GDPGP1: variants seen among roughly 807,000 people sequenced by gnomAD.
GDPGP1 encodes the protein GDP-D-glucose phosphorylase C15orf58.
In GDPGP1, 18 loss-of-function variants were observed where a neutral mutation model predicts 19.2. The ratio of observed to expected loss-of-function variants is 0.94; its 90% CI spans 0.65 to 1.39. The LOEUF (loss-of-function observed/expected upper bound fraction) is 1.39. Ranked by LOEUF, GDPGP1 falls within the 40% of genes most tolerant of loss-of-function variation. GDPGP1 has a pLI of 0.00. For synonymous variants in GDPGP1, 219 were observed against 208.9 expected, an observed-to-expected ratio of 1.05 and a Z score of -0.42; for missense variants, 449 against 490.5, an observed-to-expected ratio of 0.92 and a Z score of 0.80.
At chr15:90,234,993 GTAAAGTC>G (rs1171563296) in intron 2 of GDPGP1, among the ~76,000 whole-genome samples, 1 of 152,150 alleles carries the variant, frequency 6.6e-6, no homozygotes, top group Non-Finnish European at 1.5e-5. Flanking sequence ...GCTGATCTTT[GTAAAGTC>G]TAAATCTGAG....
At position 90,241,362 on chromosome 15, in the gene GDPGP1, G is replaced by A. The variant is rs748212146; in HGVS notation, c.454G>A (p.Asp152Asn). The A allele has an allele frequency of 1.9e-6, 3 of 1,614,070 alleles. No individual in the cohort carries two copies. In the Admixed American group the frequency reaches 5.0e-5, roughly 27 times the overall value. Residue 152 changes from aspartate to asparagine, a missense_variant, in exon 4 of 4, where the codon GAC (aspartate) becomes AAC (asparagine). Asp to Asn is a conservative substitution (Grantham distance 23). Transcript: ENST00000329600. ...TCTCCCTGGGACTCTGCTGCAAGAA[G>A]ACATCCTGGTGGTGATCAACGTCAG... ...PDLPGTLLQE[D>N]ILVVINVSPL...
chr15:90,241,842 A>G lies in GDPGP1; in HGVS notation c.934A>G (p.Ile312Val), dbSNP rs1266669208. Reference sequence around the variant, plus strand: ...CTCAGCCCTCACAGGGGTCCGAGTAATTCTGTGGGCCCGGAAGTCCAGCTT... The same window carrying G: ...CTCAGCCCTCACAGGGGTCCGAGTAGTTCTGTGGGCCCGGAAGTCCAGCTT... Reference protein sequence around the residue: ...PSSALTGVRVILWARKSSFGI... With the variant: ...PSSALTGVRVVLWARKSSFGI... Residue 312 changes from isoleucine to valine, a missense_variant, in exon 4 of 4, where the codon ATT becomes GTT. Transcript: ENST00000329600. 6.2e-7 allele frequency: 1 copy of G among 1,614,080 alleles called. No individual in the cohort carries two copies. Among genetic ancestry groups the G allele is most frequent in the African/African-American group, 1.3e-5 (1 of 74,928 alleles).
In GDPGP1 at chr15:90,241,938, T is replaced by G; in HGVS notation, c.1030T>G (p.Ser344Ala). 6.2e-7 allele frequency: 1 copy of G among 1,614,072 alleles called. No homozygotes were observed. Among genetic ancestry groups the G allele is most frequent in the African/African-American group, 1.3e-5 (1 of 75,006 alleles). ...ELAGHLPVKT[S>A]QDFSSLTEAA... ...GGCTGGGCACCTCCCTGTCAAAACA[T>G]CCCAGGACTTCAGCAGCCTGACAGA... is the stretch of plus-strand genomic sequence containing the variant. Residue 344 changes from serine (S) to alanine (A), a missense_variant, in exon 4 of 4, where the codon TCC (serine) becomes GCC (alanine). Coordinates refer to ENST00000329600, the MANE Select transcript of GDPGP1 (RefSeq NM_001013657.3).
At chr15:90,235,761 G>A (rs1157211230) in intron 2 of GDPGP1, among the ~76,000 whole-genome samples, 1 of 151,854 alleles carries the variant, frequency 6.6e-6, no homozygotes, top group Non-Finnish European at 1.5e-5. Flanking sequence ...GTAGAGACGG[G>A]GTTTCACCCT....
rs141382444 is a variant in GDPGP1 at position 90,241,785 on chromosome 15, C to A, written c.877C>A (p.Arg293=). 5 of 1,614,202 alleles carry A rather than the reference C, an allele frequency of 3.1e-6. No homozygotes were observed. The highest frequency in any genetic ancestry group is 4.2e-6 in the Non-Finnish European group (5 of 1,180,038). Residue 293 remains arginine, a synonymous_variant, in exon 4 of 4, where the codon CGG becomes AGG. Coordinates refer to ENST00000329600, the MANE Select transcript of GDPGP1 (RefSeq NM_001013657.3). ...GATTGCTCATAACTTGTTTGTCACC[C>A]GGGGAGCTCCGCCGGGAAAGACATC... ...HEIAHNLFVT[R]GAPPGKTSPS...
chr15:90,237,697 ATC>A (rs1240091697), intron 2 of GDPGP1, among the ~76,000 whole-genome samples: 1 of 151,984 alleles, frequency 6.6e-6, no homozygotes, highest in Non-Finnish European at 1.5e-5. Context: ...GTCTAAGATT[ATC>A]TCTTTTTTTT....
chr15:90,237,123 TA>T (rs1962651655), intron 2 of GDPGP1, among the ~76,000 whole-genome samples: 1 of 150,982 alleles, frequency 6.6e-6, no homozygotes, highest in South Asian at 2.1e-4. Flanking sequence ...CACACCTGGC[TA>T]ATTTTTTTGT....
At chr15:90,239,305 ATGTG>A (rs4031525) in intron 3 of GDPGP1, among the ~76,000 whole-genome samples, 20,352 of 147,904 alleles carry the variant, frequency 0.14, 1,526 homozygotes, top group Non-Finnish European at 0.17. Flanking sequence ...GAGACATAAA[ATGTG>A]TGTGTGTGTG....
intron 3 of GDPGP1, among the ~76,000 whole-genome samples, chr15:90,240,444 G>A (rs530125611): frequency 6.6e-6 from 1 of 152,194 alleles, no homozygotes; most frequent in East Asian, 1.9e-4. Context: ...GGAGGTGGAG[G>A]TTGCAGTGAG....
intron 2 of GDPGP1, among the ~76,000 whole-genome samples, chr15:90,237,333 A>G (rs1173340037): frequency 2.9e-5 from 4 of 137,134 alleles, no homozygotes; most frequent in South Asian, 2.3e-4. Flanking sequence ...CCAGGCTGGA[A>G]TGCAGTGGCA....
At position 90,241,994 on chromosome 15, in the gene GDPGP1, T is replaced by C. The variant is rs1461122218; in HGVS notation, c.1086T>C (p.Cys362=). Residue 362 remains cysteine, a synonymous_variant, in exon 4 of 4, where the codon TGT becomes TGC. Transcript: ENST00000329600. ...EAAAVALIQD[C]RLPPSQAEDV... ...CTGCTGTGGCCCTCATTCAGGACTGTCGGCTGCCCCCATCCCAGGCAGAAG... is the reference window on the plus strand; with the variant it reads ...CTGCTGTGGCCCTCATTCAGGACTGCCGGCTGCCCCCATCCCAGGCAGAAG... 2.5e-6 allele frequency: 4 copies of C among 1,614,030 alleles called. No individual in the cohort carries two copies. Among genetic ancestry groups the C allele is most frequent in the Non-Finnish European group, 3.4e-6 (4 of 1,180,034 alleles).
chr15:90,237,888 A>G (rs1409427758), intron 2 of GDPGP1, among the ~76,000 whole-genome samples: 6 of 152,132 alleles, frequency 3.9e-5, no homozygotes, highest in Non-Finnish European at 8.8e-5. Context: ...GGAGGCAGAC[A>G]TTGCAGTAAG....
Position 90,241,859 on chromosome 15 carries a change from G to A in GDPGP1, c.951G>A (p.Lys317=). The change falls in exon 4 of 4, where the codon AAG becomes AAA. Residue 317 remains lysine, a synonymous_variant. Transcript: ENST00000329600. ...TGVRVILWAR[K]SSFGIKDGEA... ...TCCGAGTAATTCTGTGGGCCCGGAA[G>A]TCCAGCTTTGGGATAAAGGACGGTG... 1.2e-6 allele frequency: 2 copies of A among 1,614,192 alleles called. No individual in the cohort carries two copies. Among genetic ancestry groups the A allele is most frequent in the Non-Finnish European group, 1.7e-6 (2 of 1,180,036 alleles).
In GDPGP1 at chr15:90,240,939, TC is replaced by T. The variant is rs1432383461; in HGVS notation, c.33del (p.Tyr12IlefsTer87). The T allele has an allele frequency of 1.9e-6, 3 of 1,613,912 alleles. No individual in the cohort carries two copies. The highest frequency in any genetic ancestry group is 2.5e-6 in the Non-Finnish European group (3 of 1,179,936). On this transcript the variant is annotated frameshift_variant, in exon 4 of 4. Transcript: ENST00000329600. LOFTEE classifies it high-confidence loss of function. ...TCTTCCACATGATTCAAACGAAACT[TC>T]CTATTTGCTGCCTCCCAACAATGAG... MALPHDSNET[S>X]YLLPPNNEDW...
Position 90,241,910 on chromosome 15 carries a change from G to C in GDPGP1, c.1002G>C (p.Glu334Asp). Residue 334 changes from glutamate to aspartate, a missense_variant, in exon 4 of 4, where the codon GAG becomes GAC. Coordinates refer to ENST00000329600, the MANE Select transcript of GDPGP1 (RefSeq NM_001013657.3). ...AAGCTTTCAATGTTGCCCTCTGTGA[G>C]CTGGCTGGGCACCTCCCTGTCAAAA... ...DGEAFNVALC[E>D]LAGHLPVKTS... 1 of 1,614,132 alleles carries C rather than the reference G, an allele frequency of 6.2e-7. No individual in the cohort carries two copies. Among genetic ancestry groups the C allele is most frequent in the Non-Finnish European group, 8.5e-7 (1 of 1,180,036 alleles).
chr15:90,237,849 G>A (rs1033813696), intron 2 of GDPGP1, among the ~76,000 whole-genome samples: 2 of 152,154 alleles, frequency 1.3e-5, no homozygotes, highest in African/African-American at 4.8e-5. Context: ...CTACTTGGGA[G>A]GCTGAGGTGG....
At position 90,241,241 on chromosome 15, in the gene GDPGP1, C is replaced by T. The variant is rs143711779; in HGVS notation, c.333C>T (p.Thr111=). 781 of 1,614,194 alleles carry T rather than the reference C, an allele frequency of 4.8e-4. 7 individuals carry two copies. Among genetic ancestry groups the T allele is most frequent in the Middle Eastern group, 8.2e-4 (5 of 6,062 alleles). Residue 111 remains threonine, a synonymous_variant, in exon 4 of 4, where the codon ACC becomes ACT. Transcript: ENST00000329600. ...GTGTGCAGAGGAGGCCCCCGCAGAC[C>T]ATCAAGAGTGTGAGGCAGGCATTTG... ...ERGVQRRPPQ[T]IKSVRQAFDP...
At position 90,244,806 on chromosome 15, in the gene GDPGP1, G is replaced by C. The variant is rs1228460131; in HGVS notation, c.*2740G>C. On this transcript the variant is annotated 3_prime_UTR_variant, in exon 4 of 4. Transcript: ENST00000329600. Reference sequence around the variant, plus strand: ...TGTACTCCAGCCTGGGCGATAGTGCGAGACTCAGTCTCAAAATAAATAAAT... The same window carrying C: ...TGTACTCCAGCCTGGGCGATAGTGCCAGACTCAGTCTCAAAATAAATAAAT... The C allele has an allele frequency of 1.3e-5, 2 of 152,168 alleles. No homozygotes were observed. Among genetic ancestry groups the C allele is most frequent in the Non-Finnish European group, 2.9e-5 (2 of 68,052 alleles). 9.4% of individuals were successfully genotyped at this position (152,168 alleles called of 1,614,324 possible). A position where few individuals can be genotyped will look rare whatever the true frequency, so the allele number is the denominator to read the frequency against.
At chr15:90,240,740 G>C (rs1374163883) in intron 3 of GDPGP1, 160 bp from the exon 4 acceptor site, 1 of 569,412 alleles carries the variant, frequency 1.8e-6, no homozygotes. Context: ...TTGAACCCAG[G>C]AGGCGGAGGT....
Sources: allele counts gnomAD v4.1 joint callset (sites outside exome capture counted in the v4.1 genomes callset), GRCh38; gene constraint gnomAD v4.1.1; transcripts MANE v1.5; gene names NCBI Gene and HGNC (gene_info 2026-07-23, HGNC 2026-07-21).